SMYD3: variants seen among roughly 807,000 people sequenced by gnomAD.
SMYD3 encodes the protein histone-lysine N-methyltransferase SMYD3.
In SMYD3, 36 loss-of-function variants were observed where a neutral mutation model predicts 57.7. The observed-to-expected ratio is 0.62, with a 90% CI of 0.48 to 0.82. SMYD3 has a LOEUF of 0.82. Ranked by LOEUF, SMYD3 falls within the 40% of genes least tolerant of loss-of-function variation. SMYD3 has a pLI of 0.00. For missense variants in SMYD3, 515 were observed against 538.8 expected (o/e 0.96, Z 0.44); for synonymous variants, 211 against 195.0 (o/e 1.08, Z -0.68).
chr1:246,071,090 A>G (rs1346820649), intron 5 of SMYD3, among the ~76,000 whole-genome samples: 1 of 152,260 alleles, frequency 6.6e-6, no homozygotes, highest in Non-Finnish European at 1.5e-5. Context: ...CAGCAGAAGC[A>G]CTGGAGTATA....
intron 8 of SMYD3, among the ~76,000 whole-genome samples, chr1:245,887,422 G>A (rs924063519): frequency 6.6e-6 from 1 of 152,162 alleles, no homozygotes; most frequent in East Asian, 1.9e-4. Flanking sequence ...GCTGTGTGTG[G>A]AGGAGTCATT....
intron 1 of SMYD3, among the ~76,000 whole-genome samples, chr1:246,362,604 G>C (rs550724469): frequency 6.6e-6 from 1 of 152,240 alleles, no homozygotes; most frequent in Non-Finnish European, 1.5e-5. Context: ...GCGATTGCAG[G>C]CGCGCACCGC....
chr1:246,265,798 G>A (rs1041777415), intron 5 of SMYD3, among the ~76,000 whole-genome samples: 10 of 152,134 alleles, frequency 6.6e-5, no homozygotes, highest in South Asian at 2.1e-4. Flanking sequence ...AAATACTCCC[G>A]CAGTGCTTGC....
At chr1:245,775,183 C>T (rs1340521713) in intron 10 of SMYD3, among the ~76,000 whole-genome samples, 1 of 152,146 alleles carries the variant, frequency 6.6e-6, no homozygotes, top group Non-Finnish European at 1.5e-5. Context: ...GTGGGGGACA[C>T]CCCCACCCGG....
chr1:246,306,828 G>A (rs1251516093), intron 5 of SMYD3, among the ~76,000 whole-genome samples: 1 of 152,122 alleles, frequency 6.6e-6, no homozygotes, highest in African/African-American at 2.4e-5. Context: ...CTAATGACAA[G>A]GATTTTGCCG....
At position 245,788,238 on chromosome 1, in the gene SMYD3, G is replaced by A. The variant is rs2047127760; in HGVS notation, c.1077-24089C>T. Among the ~76,000 whole-genome samples, 4 of 152,296 alleles carry A rather than the reference G, an allele frequency of 2.6e-5. No individual in the cohort carries two copies. The South Asian group carries it at 8.3e-4, about 32-fold the overall frequency. ...CAGGGAACAGGGCAAGGAGAATGGA[G>A]TCCAGATTAGCACAGGGAACAGGGC... On this transcript the variant is annotated intron_variant, in intron 10 of 11. Transcript: ENST00000490107.
chr1:246,283,189 G>A (rs1165082548), intron 5 of SMYD3, among the ~76,000 whole-genome samples: 1 of 152,180 alleles, frequency 6.6e-6, no homozygotes, highest in Non-Finnish European at 1.5e-5. Flanking sequence ...GGTGGCTTGG[G>A]TTCACACCAC....
At chr1:245,870,248 C>T (rs868122842) in intron 8 of SMYD3, among the ~76,000 whole-genome samples, 1 of 152,178 alleles carries the variant, frequency 6.6e-6, no homozygotes, top group South Asian at 2.1e-4. Flanking sequence ...TCTAATATTA[C>T]TACACTAAGA....
At chr1:245,804,872 A>G (rs934656099) in intron 10 of SMYD3, among the ~76,000 whole-genome samples, 1 of 152,178 alleles carries the variant, frequency 6.6e-6, no homozygotes, top group African/African-American at 2.4e-5. Context: ...GTGCTGAGTA[A>G]CTTTCTGTTG....
intron 1 of SMYD3, among the ~76,000 whole-genome samples, chr1:246,428,234 T>C (rs2067249017): frequency 6.6e-6 from 1 of 152,200 alleles, no homozygotes; most frequent in Non-Finnish European, 1.5e-5. Flanking sequence ...TCCTTTAACC[T>C]ACTGTGTAAA....
At chr1:245,986,968 T>C (rs2058718027) in intron 5 of SMYD3, among the ~76,000 whole-genome samples, 1 of 152,248 alleles carries the variant, frequency 6.6e-6, no homozygotes, top group Admixed American at 6.5e-5. Flanking sequence ...AATGTACATG[T>C]TGTGGAACAA....
chr1:245,909,673 A>G (rs2054827429), intron 8 of SMYD3, among the ~76,000 whole-genome samples: 1 of 152,184 alleles, frequency 6.6e-6, no homozygotes, highest in African/African-American at 2.4e-5. Flanking sequence ...TAAATCAATA[A>G]AGGTGATACA....
intron 8 of SMYD3, among the ~76,000 whole-genome samples, chr1:245,898,236 A>ATTC (rs977275826): frequency 5.3e-5 from 8 of 152,144 alleles, no homozygotes; most frequent in African/African-American, 1.7e-4. Context: ...CTTTCATCTT[A>ATTC]TTTGTCACTT....
intron 8 of SMYD3, among the ~76,000 whole-genome samples, chr1:245,892,533 C>T (rs2053452463): frequency 6.6e-6 from 1 of 152,210 alleles, no homozygotes; most frequent in African/African-American, 2.4e-5. Context: ...AAGCTGTCCT[C>T]TTATCCACCA....
At chr1:246,249,049 A>T (rs1052037243) in intron 5 of SMYD3, among the ~76,000 whole-genome samples, 21 of 151,994 alleles carry the variant, frequency 1.4e-4, no homozygotes, top group Non-Finnish European at 2.9e-5. Flanking sequence ...GCATTTTAAA[A>T]TAGGTGATTA....
chr1:246,236,742 G>T (rs1165075324), intron 5 of SMYD3, among the ~76,000 whole-genome samples: 1 of 152,090 alleles, frequency 6.6e-6, no homozygotes, highest in Non-Finnish European at 1.5e-5. Flanking sequence ...AAACTCTGGG[G>T]CTAAAGTGAT....
At chr1:246,487,534 G>A (rs1022286966) in intron 1 of SMYD3, among the ~76,000 whole-genome samples, 10 of 152,030 alleles carry the variant, frequency 6.6e-5, no homozygotes, top group African/African-American at 2.4e-4. Flanking sequence ...GAAAGAGTGA[G>A]CACCACCCTA....
chr1:245,990,336 G>A (rs1264691331), intron 5 of SMYD3, among the ~76,000 whole-genome samples: 4 of 152,106 alleles, frequency 2.6e-5, no homozygotes, highest in East Asian at 1.9e-4. Flanking sequence ...CAATCCTCCC[G>A]CCTGGGCATC....
At chr1:245,984,047 T>TG (rs1283713178) in intron 5 of SMYD3, among the ~76,000 whole-genome samples, 5 of 150,828 alleles carry the variant, frequency 3.3e-5, no homozygotes, top group Non-Finnish European at 7.4e-5. Context: ...TTGCCCAGGC[T>TG]GGAGTGCAAT....
Sources: gnomAD v4.1 joint callset for allele counts (sites outside exome capture counted in the v4.1 genomes callset) on GRCh38, gnomAD v4.1.1 for gene constraint, MANE v1.5 for transcripts, NCBI Gene and HGNC (gene_info 2026-07-23, HGNC 2026-07-21) for gene names.